The following RIMS2 variants were observed in gnomAD, a reference collection of about 807,000 sequenced individuals.
RIMS2 encodes the protein regulating synaptic membrane exocytosis 2, also known as regulating synaptic membrane exocytosis protein 2.
A neutral mutation model predicts 174.4 loss-of-function variants in RIMS2; 59 were observed. That is an observed-to-expected ratio of 0.34 (90% CI 0.27 to 0.42). The LOEUF is 0.42. RIMS2 is among the 10% of genes least tolerant of loss of function. The probability of loss-of-function intolerance (pLI) is 1.00; values close to 1 mark genes in which losing one functional copy is unlikely to be tolerated. For missense variants in RIMS2, 1,620 were observed against 1,666.3 expected (o/e 0.97, Z 0.48); for synonymous variants, 606 against 572.5 (o/e 1.06, Z -0.84).
intron 3 of RIMS2, among the ~76,000 whole-genome samples, chr8:103,850,468 T>C (rs1183620957): frequency 1.3e-5 from 2 of 152,030 alleles, no homozygotes; most frequent in Non-Finnish European, 2.9e-5. Context: ...GGAGTCCTGT[T>C]ACAGAGGCTG....
intron 19 of RIMS2, among the ~76,000 whole-genome samples, chr8:104,237,693 G>C (rs757358198): frequency 2.6e-5 from 4 of 152,090 alleles, no homozygotes; most frequent in African/African-American, 9.6e-5. Flanking sequence ...GTTAAAGTCC[G>C]AAACAATTTT....
chr8:104,014,753 T>A lies in RIMS2; in HGVS notation c.3334+138T>A, dbSNP rs1452803220. On this transcript the variant is annotated intron_variant, in intron 19 of 23. Transcript: ENST00000504942. Reference sequence around the variant, plus strand: ...TGTCTGTATTTGATAATAGTTATATTTATAAATATTATGTATTTTTGAATA... The same window carrying A: ...TGTCTGTATTTGATAATAGTTATATATATAAATATTATGTATTTTTGAATA... 3 of 438,702 alleles carry A rather than the reference T, an allele frequency of 6.8e-6. No homozygotes were observed. The East Asian group carries it at 9.8e-5, about 14-fold the overall frequency. 27.2% of individuals were successfully genotyped at this position (438,702 alleles called of 1,614,324 possible).
intron 3 of RIMS2, among the ~76,000 whole-genome samples, chr8:103,842,982 C>A (rs76476657): frequency 6.6e-6 from 1 of 152,306 alleles, no homozygotes; most frequent in African/African-American, 2.4e-5. Context: ...TCCTTAGTGT[C>A]TCTGTCCAAA....
At chr8:104,139,410 C>T (rs879526948) in intron 19 of RIMS2, among the ~76,000 whole-genome samples, 10 of 152,044 alleles carry the variant, frequency 6.6e-5, no homozygotes, top group Non-Finnish European at 1.5e-4. Context: ...GAATATCTTT[C>T]CATTTTTTGT....
rs142831301 is a variant in RIMS2, at chr8:103,948,983, C to T, written c.2701+6057C>T. 3.0e-3 allele frequency among the ~76,000 whole-genome samples: 457 copies of T among 150,952 alleles called. 2 individuals carry two copies. The highest frequency in any genetic ancestry group is 0.01 in the African/African-American group (423 of 41,146). On this transcript the variant is annotated intron_variant, in intron 14 of 23. Transcript: ENST00000504942. ...TTTACAAAAAAAAAAAATAATTAGC[C>T]GGGTTCAGTGGCATGCACCTGCAGT...
chr8:103,551,139 C>G (rs567587146), intron 1 of RIMS2, among the ~76,000 whole-genome samples: 1 of 152,016 alleles, frequency 6.6e-6, no homozygotes, highest in East Asian at 1.9e-4. Context: ...GGCAGAGACA[C>G]AACAAAAAAA....
At chr8:103,653,050 C>T (rs1383535102) in intron 1 of RIMS2, among the ~76,000 whole-genome samples, 2 of 152,054 alleles carry the variant, frequency 1.3e-5, no homozygotes, top group Non-Finnish European at 2.9e-5. Context: ...AAGATATTAA[C>T]CCCCAAATTC....
chr8:104,090,540 G>A (rs952379274), intron 19 of RIMS2, among the ~76,000 whole-genome samples: 4 of 151,706 alleles, frequency 2.6e-5, no homozygotes, highest in Non-Finnish European at 3.0e-5. Context: ...TGGGATACAC[G>A]AGTACCAGGT....
At chr8:103,657,094 T>C (rs1200461039) in intron 1 of RIMS2, among the ~76,000 whole-genome samples, 1 of 152,140 alleles carries the variant, frequency 6.6e-6, no homozygotes, top group African/African-American at 2.4e-5. Flanking sequence ...TGAATCAATA[T>C]GAGAAAAGGA....
chr8:103,984,047 A>C (rs556335211), intron 16 of RIMS2, among the ~76,000 whole-genome samples: 3 of 152,002 alleles, frequency 2.0e-5, no homozygotes, highest in Non-Finnish European at 2.9e-5. Flanking sequence ...GGTGGCGGGC[A>C]CCTGTAGTCC....
At chr8:104,139,373 T>C (rs1467640609) in intron 19 of RIMS2, among the ~76,000 whole-genome samples, 2 of 152,176 alleles carry the variant, frequency 1.3e-5, no homozygotes, top group Non-Finnish European at 2.9e-5. Context: ...ATTTTAACAA[T>C]ATTGATTCTT....
chr8:103,954,234 CAACTCTGACCA>C (rs2086376623), intron 14 of RIMS2, among the ~76,000 whole-genome samples: 1 of 152,106 alleles, frequency 6.6e-6, no homozygotes, highest in Non-Finnish European at 1.5e-5. Context: ...GACTTGAACC[CAACTCTGACCA>C]AGCGGCCTAA....
Position 103,858,811 on chromosome 8 carries a change from A to G in RIMS2, c.699-26487A>G, listed in dbSNP as rs146703766. The stretch of plus-strand genomic sequence containing the variant: ...ATAGTATACAGAATTATAAGATTAT[A>G]CTGGAGTAGAACTAGAGGGAATCTT... On this transcript the variant is annotated intron_variant, in intron 3 of 23. Transcript: ENST00000504942. Among the ~76,000 whole-genome samples the G allele has an allele frequency of 5.2e-4, 79 of 152,034 alleles. No individual in the cohort carries two copies. In the East Asian group the frequency reaches 0.015, roughly 28 times the overall value.
At chr8:103,551,184 G>A (rs957651377) in intron 1 of RIMS2, among the ~76,000 whole-genome samples, 5 of 152,188 alleles carry the variant, frequency 3.3e-5, no homozygotes, top group South Asian at 2.1e-4. Flanking sequence ...CATGAACATC[G>A]ATGCAAAAAT....
chr8:103,888,800 T>C (rs2099223635), intron 4 of RIMS2, among the ~76,000 whole-genome samples: 1 of 151,446 alleles, frequency 6.6e-6, no homozygotes, highest in Non-Finnish European at 1.5e-5. Context: ...TGGCTTTCAC[T>C]TTTTTTTATT....
intron 1 of RIMS2, among the ~76,000 whole-genome samples, chr8:103,532,646 G>A (rs1386387683): frequency 6.6e-6 from 1 of 152,230 alleles, no homozygotes; most frequent in Non-Finnish European, 1.5e-5. Flanking sequence ...GAATTGAGTT[G>A]TTGAGACAGT....
At chr8:103,640,977 CTT>C (rs2135520958) in intron 1 of RIMS2, among the ~76,000 whole-genome samples, 1 of 152,200 alleles carries the variant, frequency 6.6e-6, no homozygotes, top group Non-Finnish European at 1.5e-5. Context: ...GGATTAATCT[CTT>C]AATGGTTGCA....
At chr8:104,051,379 C>A (rs1212607333) in intron 19 of RIMS2, among the ~76,000 whole-genome samples, 7 of 151,912 alleles carry the variant, frequency 4.6e-5, no homozygotes. Context: ...CATTATGTTG[C>A]ATAACTTATG....
exon 20 of RIMS2, chr8:104,244,988 A>C (rs2099322666): frequency 2.5e-6 from 4 of 1,613,912 alleles, no homozygotes; most frequent in Non-Finnish European, 2.5e-6. Flanking sequence ...GAAATGAGGA[A>C]CTGGATGACT....
Sources: gnomAD v4.1 joint callset for allele counts (sites outside exome capture counted in the v4.1 genomes callset) on GRCh38, gnomAD v4.1.1 for gene constraint, MANE v1.5 for transcripts, NCBI Gene and HGNC (gene_info 2026-07-23, HGNC 2026-07-21) for gene names.